The following DCBLD2 variants were observed in gnomAD, a reference collection of about 807,000 sequenced individuals.
DCBLD2 encodes discoidin, CUB and LCCL domain-containing protein 2.
In DCBLD2, 54 loss-of-function variants were observed where a neutral mutation model predicts 86.8. The observed-to-expected ratio is 0.62, with a 90% confidence interval of 0.50 to 0.78. The LOEUF (loss-of-function observed/expected upper bound fraction) is 0.78. DCBLD2 is among the 30% of genes least tolerant of loss of function. DCBLD2 has a pLI of 0.00. For synonymous variants in DCBLD2, 354 were observed against 341.3 expected, an observed-to-expected ratio of 1.04 and a Z score of -0.41; for missense variants, 908 against 954.2, an observed-to-expected ratio of 0.95 and a Z score of 0.64.
intron 1 of DCBLD2, among the ~76,000 whole-genome samples, chr3:98,891,721 T>C (rs750771901): frequency 2.2e-4 from 33 of 152,074 alleles, no homozygotes; most frequent in Non-Finnish European, 4.3e-4. Flanking sequence ...GAACTATAGG[T>C]GACTCCCCAC....
intron 13 of DCBLD2, among the ~76,000 whole-genome samples, chr3:98,806,539 C>T (rs1293245439): frequency 6.6e-6 from 1 of 152,080 alleles, no homozygotes; most frequent in Non-Finnish European, 1.5e-5. Flanking sequence ...GATCCACTAG[C>T]TTCCTCCCAT....
chr3:98,901,226 C>T lies in DCBLD2; in HGVS notation c.101G>A (p.Arg34His), dbSNP rs1175991538. The T allele has an allele frequency of 3.3e-6, 5 of 1,534,880 alleles. No individual in the cohort carries two copies. The highest frequency in any genetic ancestry group is 4.4e-6 in the Non-Finnish European group (5 of 1,146,254). ...GGAGTTGGAGCAGGGAGGGAGGGAG[C>T]GGGAGAGGGGGAGCGCGGCCCAGGC... ...APAWAALPLS[R>H]SLPPCSNSSS... The change falls in exon 1 of 16, where the codon CGC (arginine) becomes CAC (histidine). Residue 34 changes from arginine (R) to histidine (H), a missense_variant. Physicochemically the swap from Arg to His is conservative, Grantham distance 29. Transcript: ENST00000326840.
chr3:98,859,360 C>T (rs976630215), intron 2 of DCBLD2, among the ~76,000 whole-genome samples: 8 of 152,228 alleles, frequency 5.3e-5, no homozygotes, highest in African/African-American at 1.9e-4. Flanking sequence ...CCCTGTCTGA[C>T]AGCTTTGAAG....
rs570548485 is a variant in DCBLD2, at chr3:98,858,959, G to A, written c.434-9361C>T. Among the ~76,000 whole-genome samples, 113 of 152,298 alleles carry A rather than the reference G, an allele frequency of 7.4e-4. 1 individual carries two copies. The highest frequency in any genetic ancestry group is 2.6e-3 in the African/African-American group (110 of 41,562). On this transcript the variant is annotated intron_variant, in intron 2 of 15. Coordinates refer to ENST00000326840, the MANE Select transcript of DCBLD2 (RefSeq NM_080927.4). ...CACCTGGGAAGCGCGTGGGGTCGGGGAATTCCCTTTCCTAGCCAAGGGAAG... is the reference window on the plus strand; with the variant it reads ...CACCTGGGAAGCGCGTGGGGTCGGGAAATTCCCTTTCCTAGCCAAGGGAAG...
intron 12 of DCBLD2, among the ~76,000 whole-genome samples, chr3:98,810,720 T>C (rs907069367): frequency 6.6e-6 from 1 of 150,928 alleles, no homozygotes; most frequent in African/African-American, 2.4e-5. Flanking sequence ...GAGACCAAAG[T>C]TTTTTTTTAT....
Position 98,901,105 on chromosome 3 carries a change from C to A in DCBLD2, c.205+17G>T, listed in dbSNP as rs1395623064. On this transcript the variant is annotated intron_variant, in intron 1 of 15. Transcript: ENST00000326840. ...GACGGAGGTTCCCCCGCCGCTCACT[C>A]CCCTGGGACCACTCACCTTGCTGGG... 4 of 1,538,970 alleles carry A rather than the reference C, an allele frequency of 2.6e-6. No individual in the cohort carries two copies. The highest frequency in any genetic ancestry group is 1.4e-5 in the African/African-American group (1 of 73,006).
At chr3:98,806,598 G>T (rs1941843885) in intron 13 of DCBLD2, among the ~76,000 whole-genome samples, 1 of 151,866 alleles carries the variant, frequency 6.6e-6, no homozygotes, top group Non-Finnish European at 1.5e-5. Flanking sequence ...TTTTTGCATT[G>T]CATCCGTTCC....
intron 3 of DCBLD2, among the ~76,000 whole-genome samples, chr3:98,842,434 G>A (rs1215255650): frequency 6.6e-6 from 1 of 152,180 alleles, no homozygotes; most frequent in Non-Finnish European, 1.5e-5. Flanking sequence ...ATTCTGTTAA[G>A]AGAAATTTAC....
intron 6 of DCBLD2, among the ~76,000 whole-genome samples, chr3:98,821,721 A>G (rs1942121229): frequency 6.6e-6 from 1 of 152,166 alleles, no homozygotes; most frequent in Admixed American, 6.5e-5. Context: ...ACAATAAGCT[A>G]AAGTAGTACA....
chr3:98,856,507 A>G (rs1379988140), intron 2 of DCBLD2, among the ~76,000 whole-genome samples: 1 of 152,170 alleles, frequency 6.6e-6, no homozygotes, highest in African/African-American at 2.4e-5. Context: ...AATACACAGT[A>G]TAAAAAGAAA....
intron 1 of DCBLD2, among the ~76,000 whole-genome samples, chr3:98,899,040 T>C (rs1413757497): frequency 6.6e-6 from 1 of 151,056 alleles, no homozygotes; most frequent in Non-Finnish European, 1.5e-5. Flanking sequence ...AGATTAAATA[T>C]TAAATGATTT....
In DCBLD2 at chr3:98,817,863, T is replaced by C. The variant is rs1559772359; in HGVS notation, c.1118A>G (p.Glu373Gly). ...GIITTGSTMV[E>G]HNYYVSAYRI... Reference sequence around the variant, plus strand: ...GTAGGCAGACACATAGTAATTGTGCTCCACCATGGTGGATCCAGTGGTTAT... The same window carrying C: ...GTAGGCAGACACATAGTAATTGTGCCCCACCATGGTGGATCCAGTGGTTAT... Residue 373 changes from glutamate to glycine, a missense_variant, in exon 9 of 16, where the codon GAG becomes GGG. This residue lies in a region of DCBLD2 where 606 missense variants were observed against 678.5 expected (regional missense o/e 0.89). Transcript: ENST00000326840. 1.2e-6 allele frequency: 2 copies of C among 1,613,668 alleles called. No individual in the cohort carries two copies. Among genetic ancestry groups the C allele is most frequent in the Non-Finnish European group, 1.7e-6 (2 of 1,179,674 alleles).
chr3:98,898,685 G>A (rs767141235), intron 1 of DCBLD2, among the ~76,000 whole-genome samples: 1 of 152,048 alleles, frequency 6.6e-6, no homozygotes, highest in Non-Finnish European at 1.5e-5. Flanking sequence ...TTCTTTTCAG[G>A]TTATGTGAGG....
At chr3:98,826,240 T>C (rs1180532453) in intron 3 of DCBLD2, among the ~76,000 whole-genome samples, 1 of 152,182 alleles carries the variant, frequency 6.6e-6, no homozygotes, top group African/African-American at 2.4e-5. Flanking sequence ...CAGCAAAGCC[T>C]TCAACACAGC....
intron 12 of DCBLD2, 28 bp from the exon 13 acceptor site, chr3:98,808,202 A>G (rs775730018): frequency 1.7e-5 from 26 of 1,562,352 alleles, no homozygotes; most frequent in Non-Finnish European, 1.6e-5. Flanking sequence ...AAAACAGACA[A>G]ACAAAAGCCA....
At chr3:98,822,802 C>T in intron 4 of DCBLD2, 61 bp from the exon 5 acceptor site, 2 of 1,423,560 alleles carry the variant, frequency 1.4e-6, no homozygotes, top group Non-Finnish European at 1.9e-6. Flanking sequence ...AAAAAAGCAA[C>T]CCCCCAAAAA....
chr3:98,822,636 C>T, intron 5 of DCBLD2, 33 bp downstream of exon 5: 1 of 1,530,122 alleles, frequency 6.5e-7, no homozygotes, highest in South Asian at 1.3e-5. Context: ...AGAGTTATAT[C>T]ACAATTTTCA....
chr3:98,864,409 G>A (rs1943103722), intron 2 of DCBLD2, among the ~76,000 whole-genome samples: 1 of 151,430 alleles, frequency 6.6e-6, no homozygotes, highest in Admixed American at 6.6e-5. Flanking sequence ...GCGCATGTAT[G>A]TTTATTGTGG....
intron 2 of DCBLD2, among the ~76,000 whole-genome samples, chr3:98,872,491 A>C (rs1433807432): frequency 6.6e-6 from 1 of 152,180 alleles, no homozygotes; most frequent in Non-Finnish European, 1.5e-5. Flanking sequence ...TTATGAACCA[A>C]ATAAACCTCT....
Sources: allele counts gnomAD v4.1 joint callset (sites outside exome capture counted in the v4.1 genomes callset), GRCh38; gene constraint gnomAD v4.1.1; regional missense constraint gnomAD v4.1.1; transcripts MANE v1.5; gene names NCBI Gene and HGNC (gene_info 2026-07-23, HGNC 2026-07-21).